Variants in POLR3A observed in about 807,000 individuals in gnomAD.
POLR3A encodes the protein DNA-directed RNA polymerase III subunit RPC1.
POLR3A carries 112 observed loss-of-function variants against 152.8 expected under a neutral mutation model. The observed-to-expected ratio is 0.73, with a 90% CI of 0.63 to 0.86. POLR3A has a LOEUF of 0.86. Among genes scored for constraint, POLR3A ranks in the 40% least tolerant of loss-of-function variants. The pLI is 0.00. For missense variants in POLR3A, 1,385 were observed against 1,743.1 expected (o/e 0.79, Z 3.66); for synonymous variants, 615 against 652.1 (o/e 0.94, Z 0.87).
At position 77,982,695 on chromosome 10, in the gene POLR3A, G is replaced by A; in HGVS notation, c.3552C>T (p.Ser1184=). The change falls in exon 27 of 31, where the codon TCC becomes TCT. Residue 1184 remains serine (S), a synonymous_variant. Transcript: ENST00000372371. ...CVTPRENSKS[S]MYYVLQFLKE... ...TCAGGAACTGCAGCACGTAGTACATGGAGCTCTTGCTGTTCTCTCTGGGGG... is the reference window on the plus strand; with the variant it reads ...TCAGGAACTGCAGCACGTAGTACATAGAGCTCTTGCTGTTCTCTCTGGGGG... The A allele has an allele frequency of 6.2e-7, 1 of 1,613,806 alleles. No individual in the cohort carries two copies. Among genetic ancestry groups the A allele is most frequent in the Non-Finnish European group, 8.5e-7 (1 of 1,179,970 alleles).
chr10:77,992,231 C>G (rs1847255978), intron 20 of POLR3A, among the ~76,000 whole-genome samples: 1 of 151,802 alleles, frequency 6.6e-6, no homozygotes, highest in African/African-American at 2.4e-5. Context: ...CATTTGATTA[C>G]TACCAACACT....
At chr10:77,980,904 C>A (rs1215477467) in intron 29 of POLR3A, among the ~76,000 whole-genome samples, 1 of 152,012 alleles carries the variant, frequency 6.6e-6, no homozygotes, top group Non-Finnish European at 1.5e-5. Flanking sequence ...TTTGGGGAAG[C>A]CTTATGAAAA....
chr10:77,985,390 A>G (rs1304267631), intron 23 of POLR3A, 50 bp from the exon 24 acceptor site: 1 of 1,455,976 alleles, frequency 6.9e-7, no homozygotes, highest in Non-Finnish European at 9.6e-7. Flanking sequence ...AGAAAAGTCC[A>G]GCAAAACTGC....
intron 5 of POLR3A, among the ~76,000 whole-genome samples, chr10:78,023,683 T>G (rs1336091850): frequency 6.7e-6 from 1 of 149,234 alleles, no homozygotes; most frequent in African/African-American, 2.5e-5. Context: ...GAGGCTGACA[T>G]GCAAGGATCA....
At chr10:78,018,038 G>T (rs941443773) in intron 9 of POLR3A, among the ~76,000 whole-genome samples, 3 of 151,750 alleles carry the variant, frequency 2.0e-5, no homozygotes, top group Non-Finnish European at 4.4e-5. Flanking sequence ...GCCAAACGTG[G>T]TGGGGTGTGT....
chr10:77,992,730 A>G (rs1847261605), intron 20 of POLR3A, among the ~76,000 whole-genome samples: 1 of 151,834 alleles, frequency 6.6e-6, no homozygotes, highest in African/African-American at 2.4e-5. Context: ...TTAGAGATAG[A>G]GTTTTTCCTC....
At chr10:78,002,452 G>A in intron 16 of POLR3A, 144 bp from the exon 17 acceptor site, 1 of 702,746 alleles carries the variant, frequency 1.4e-6, no homozygotes, top group Non-Finnish European at 2.6e-6. Flanking sequence ...GAACCTTAGA[G>A]GAGCAAAATG....
intron 19 of POLR3A, among the ~76,000 whole-genome samples, chr10:77,993,710 G>C (rs993563697): frequency 2.6e-5 from 4 of 152,120 alleles, no homozygotes; most frequent in Non-Finnish European, 2.9e-5. Context: ...ATAAATTAAT[G>C]CAATAGCTTT....
chr10:78,001,366 T>C (rs940840374), intron 17 of POLR3A, among the ~76,000 whole-genome samples: 5 of 152,020 alleles, frequency 3.3e-5, no homozygotes, highest in Non-Finnish European at 5.9e-5. Context: ...CTTCAGCAAG[T>C]CCAGGTTGGA....
At position 78,006,341 on chromosome 10, in the gene POLR3A, G is replaced by A. The variant is rs554192438; in HGVS notation, c.2074+1361C>T. 1.2e-4 allele frequency among the ~76,000 whole-genome samples: 17 copies of A among 140,476 alleles called. No individual in the cohort carries two copies. In the South Asian group the frequency reaches 2.9e-3, roughly 24 times the overall value. The allele number at this position is 140,476 out of a possible 152,430, so 92.2% of individuals were successfully genotyped here. A position where few individuals can be genotyped will look rare whatever the true frequency, so the allele number is the denominator to read the frequency against. On this transcript the variant is annotated intron_variant, in intron 15 of 30. Transcript: ENST00000372371. ...GAGCCTGGGAGGCGGAGGTTGCAGC[G>A]AGCTGAGATTGCATCACTGCACTCC...
intron 29 of POLR3A, 136 bp downstream of exon 29, chr10:77,981,292 T>C (rs1847138578): frequency 2.2e-6 from 2 of 914,168 alleles, no homozygotes; most frequent in African/African-American, 3.2e-5. Flanking sequence ...TTTTGAGCAA[T>C]GTTCACATCT....
chr10:78,009,692 GC>G lies in POLR3A; in HGVS notation c.1771-18del, dbSNP rs1326912135. On this transcript the variant is annotated intron_variant, in intron 13 of 30. Coordinates refer to ENST00000372371, the MANE Select transcript of POLR3A (RefSeq NM_007055.4). Reference sequence around the variant, plus strand: ...GGTGACAGGCTGAGGGGGGGAGGAAGCCTGAGAGTCAGTGGGCTGAGCCTGG... The same window carrying G: ...GGTGACAGGCTGAGGGGGGGAGGAAGCTGAGAGTCAGTGGGCTGAGCCTGG... 1.9e-6 allele frequency: 3 copies of G among 1,614,036 alleles called. No homozygotes were observed. Among genetic ancestry groups the G allele is most frequent in the East Asian group, 4.5e-5 (2 of 44,882 alleles).
chr10:78,011,676 C>T (rs9787547), intron 11 of POLR3A, among the ~76,000 whole-genome samples: 4 of 152,194 alleles, frequency 2.6e-5, no homozygotes, highest in Non-Finnish European at 4.4e-5. Context: ...AGGTAGTCTA[C>T]GGATAGAAGC....
intron 19 of POLR3A, among the ~76,000 whole-genome samples, chr10:77,994,359 T>C (rs956402874): frequency 1.3e-5 from 2 of 152,156 alleles, no homozygotes; most frequent in Non-Finnish European, 2.9e-5. Context: ...CTCTGGTTTA[T>C]CTACCCTGGT....
chr10:77,993,232 G>A lies in POLR3A; in HGVS notation c.2752C>T (p.Pro918Ser), dbSNP rs758663237. ...DPAAMEGKDE[P>S]LEFKRVLDNI... is the part of the protein sequence containing the mutation. Reference sequence around the variant, plus strand: ...TCCAGAACCCTTTTAAACTCCAAAGGTTCATCTTTTCCCTCCATAGCTGCA... The same window carrying A: ...TCCAGAACCCTTTTAAACTCCAAAGATTCATCTTTTCCCTCCATAGCTGCA... The change falls in exon 20 of 31, where the codon CCT (proline) becomes TCT (serine). Residue 918 changes from proline (P) to serine (S), a missense_variant. Pro to Ser is a moderately conservative substitution (Grantham distance 74). This residue lies in a region of POLR3A where 178 missense variants were observed against 204.6 expected (regional missense o/e 0.87). Coordinates refer to ENST00000372371, the MANE Select transcript of POLR3A (RefSeq NM_007055.4). 1.9e-6 allele frequency: 3 copies of A among 1,613,560 alleles called. No individual in the cohort carries two copies. In the African/African-American group the frequency reaches 4.0e-5, roughly 22 times the overall value.
At position 77,977,502 on chromosome 10, in the gene POLR3A, T is replaced by A. The variant is rs370868154; in HGVS notation, c.4149A>T (p.Glu1383Asp). The A allele has an allele frequency of 2.5e-5, 40 of 1,613,986 alleles. No individual in the cohort carries two copies. Among genetic ancestry groups the A allele is most frequent in the Non-Finnish European group, 3.1e-5 (36 of 1,180,018 alleles). Residue 1383 changes from glutamate (E) to aspartate (D), a missense_variant, in exon 31 of 31, where the codon GAA becomes GAT. By Grantham distance (45) the Glu-to-Asp change is conservative. Transcript: ENST00000372371. ...ACTATGTGACAAGGGGGATGTGGAA[T>A]TCATTTGTGTCGAAGATCAGGGGCC... ...PKRPLIFDTN[E>D]FHIPLVT
intron 23 of POLR3A, among the ~76,000 whole-genome samples, chr10:77,985,559 A>G (rs910008606): frequency 6.6e-6 from 1 of 152,242 alleles, no homozygotes; most frequent in Non-Finnish European, 1.5e-5. Context: ...GTGCAACTCA[A>G]TTCTGCATGG....
intron 8 of POLR3A, 87 bp downstream of exon 8, chr10:78,021,459 T>C: frequency 7.9e-6 from 11 of 1,398,926 alleles, no homozygotes; most frequent in Non-Finnish European, 1.1e-5. Flanking sequence ...ACTGGGGACT[T>C]TCTACTGCCT....
chr10:78,028,370 T>C (rs1482495346), intron 1 of POLR3A, among the ~76,000 whole-genome samples: 1 of 152,188 alleles, frequency 6.6e-6, no homozygotes, highest in Non-Finnish European at 1.5e-5. Context: ...CCCTTGTCAT[T>C]GCACTTGTCG....
Sources: allele counts gnomAD v4.1 joint callset (sites outside exome capture counted in the v4.1 genomes callset), GRCh38; gene constraint gnomAD v4.1.1; regional missense constraint gnomAD v4.1.1; transcripts MANE v1.5; gene names NCBI Gene and HGNC (gene_info 2026-07-23, HGNC 2026-07-21).